Variants in TM9SF4 observed in about 807,000 individuals in gnomAD.
The protein encoded by TM9SF4 is transmembrane 9 superfamily member 4, also known as dinucleotide oxidase disulfide thiol exchanger 3 superfamily member 4.
Under a neutral mutation model 90.4 loss-of-function variants are expected in TM9SF4, and 26 were observed. The ratio of observed to expected loss-of-function variants is 0.29; its 90% CI spans 0.21 to 0.40. The LOEUF is 0.40. Ranked by LOEUF, TM9SF4 falls within the 10% of genes least tolerant of loss-of-function variation. TM9SF4 has a pLI of 1.00. For synonymous variants in TM9SF4, 293 were observed against 315.4 expected (o/e 0.93, Z 0.75); for missense variants, 549 against 834.8 (o/e 0.66, Z 4.22).
intron 13 of TM9SF4, among the ~76,000 whole-genome samples, chr20:32,156,434 A>T (rs958768080): frequency 6.6e-6 from 1 of 152,230 alleles, no homozygotes; most frequent in Non-Finnish European, 1.5e-5. Context: ...GGACCCCTGA[A>T]GATACCAAAA....
chr20:32,109,967 A>T (rs1314453762), intron 1 of TM9SF4: 2 of 1,410,362 alleles, frequency 1.4e-6, no homozygotes, highest in African/African-American at 2.9e-5. Context: ...GTTTTGGGGG[A>T]GGCGCCGTTT....
chr20:32,151,786 A>G (rs2046845183), intron 12 of TM9SF4, among the ~76,000 whole-genome samples: 1 of 151,944 alleles, frequency 6.6e-6, no homozygotes, highest in Non-Finnish European at 1.5e-5. Flanking sequence ...GGTTCAAGTT[A>G]TTCTCCTGCC....
intron 17 of TM9SF4, among the ~76,000 whole-genome samples, chr20:32,162,404 C>G (rs964784552): frequency 6.6e-6 from 1 of 152,208 alleles, no homozygotes; most frequent in African/African-American, 2.4e-5. Context: ...GATTCTCTAG[C>G]TCAGGGGTCA....
intron 1 of TM9SF4, among the ~76,000 whole-genome samples, chr20:32,130,086 A>G (rs1379362109): frequency 6.6e-6 from 1 of 152,226 alleles, no homozygotes; most frequent in East Asian, 1.9e-4. Flanking sequence ...TAGCCATGTG[A>G]AAATACCAAG....
chr20:32,125,687 T>C (rs568060629), intron 1 of TM9SF4, among the ~76,000 whole-genome samples: 57 of 146,324 alleles, frequency 3.9e-4, no homozygotes, highest in Admixed American at 1.6e-3. Context: ...TTTTCTTTTT[T>C]TTTTTTTTTT....
At chr20:32,152,036 T>G (rs1260971931) in intron 12 of TM9SF4, among the ~76,000 whole-genome samples, 1 of 151,576 alleles carries the variant, frequency 6.6e-6, no homozygotes, top group Non-Finnish European at 1.5e-5. Context: ...TAATTTTTTT[T>G]TTTTTTTGTA....
chr20:32,138,625 C>G (rs1271187652), intron 3 of TM9SF4, among the ~76,000 whole-genome samples: 2 of 152,204 alleles, frequency 1.3e-5, no homozygotes, highest in East Asian at 1.9e-4. Flanking sequence ...CCATTGCGCT[C>G]CAGCCTGAGC....
intron 3 of TM9SF4, chr20:32,136,930 C>G: frequency 2.1e-6 from 1 of 471,200 alleles, no homozygotes; most frequent in Non-Finnish European, 4.4e-6. Context: ...GGGCTGCCTT[C>G]TCCGTCAGGG....
intron 12 of TM9SF4, among the ~76,000 whole-genome samples, chr20:32,152,342 CT>C (rs2046854999): frequency 6.6e-6 from 1 of 151,264 alleles, no homozygotes; most frequent in Non-Finnish European, 1.5e-5. Flanking sequence ...CAAACCCAGT[CT>C]TTTTCCCCCA....
At position 32,117,527 on chromosome 20, in the gene TM9SF4, T is replaced by C. The variant is rs369394470; in HGVS notation, c.15+7772T>C. 3.3e-5 allele frequency among the ~76,000 whole-genome samples: 5 copies of C among 152,302 alleles called. No individual in the cohort carries two copies. The South Asian group carries it at 1.0e-3, about 32-fold the overall frequency. ...GGAAGATGTTAATTGTTCACACCTT[T>C]CAAACTGGGTGGGGTGAATTTGGAG... On this transcript the variant is annotated intron_variant, in intron 1 of 17. Coordinates refer to ENST00000398022, the MANE Select transcript of TM9SF4 (RefSeq NM_014742.4).
chr20:32,130,393 T>C (rs1600801411), intron 1 of TM9SF4, among the ~76,000 whole-genome samples: 3 of 152,350 alleles, frequency 2.0e-5, no homozygotes, highest in Middle Eastern at 3.4e-3. Context: ...GTACAGGATT[T>C]GCCTTCTTTA....
chr20:32,165,827 C>T lies in TM9SF4; in HGVS notation c.*383C>T. The stretch of plus-strand genomic sequence containing the variant: ...CCGAGATAAGGGTTTTGGTCACTGT[C>T]TCCACCTCAGTTCCTCAGGGCTGTT... On this transcript the variant is annotated 3_prime_UTR_variant, in exon 18 of 18. Transcript: ENST00000398022. 1 of 215,210 alleles carries T rather than the reference C, an allele frequency of 4.6e-6. No individual in the cohort carries two copies. The highest frequency in any genetic ancestry group is 1.2e-4 in the East Asian group (1 of 8,566). 13.3% of individuals were successfully genotyped at this position (215,210 alleles called of 1,614,324 possible).
intron 17 of TM9SF4, among the ~76,000 whole-genome samples, chr20:32,162,280 C>T (rs982564344): frequency 6.6e-6 from 1 of 152,152 alleles, no homozygotes; most frequent in Non-Finnish European, 1.5e-5. Flanking sequence ...CTGGGAATGC[C>T]GTTTCCCAAA....
At position 32,120,255 on chromosome 20, in the gene TM9SF4, G is replaced by A. The variant is rs192257763; in HGVS notation, c.15+10500G>A. Among the ~76,000 whole-genome samples, 26 of 152,176 alleles carry A rather than the reference G, an allele frequency of 1.7e-4. No individual in the cohort carries two copies. In the East Asian group the frequency reaches 4.8e-3, roughly 28 times the overall value. The stretch of plus-strand genomic sequence containing the variant: ...AGAGAACTGACATCCTGACAATATT[G>A]AGTCTTCTAGTCCATGAACATGGAA... On this transcript the variant is annotated intron_variant, in intron 1 of 17. Coordinates refer to ENST00000398022, the MANE Select transcript of TM9SF4 (RefSeq NM_014742.4).
At position 32,109,725 on chromosome 20, in the gene TM9SF4, G is replaced by GAC. The variant is rs775939653; in HGVS notation, c.-13_-12dup. On this transcript the variant is annotated 5_prime_UTR_variant, in exon 1 of 18. Coordinates refer to ENST00000398022, the MANE Select transcript of TM9SF4 (RefSeq NM_014742.4). ...CCACTTCCGCTGACGTCATTACGGC[G>GAC]ACACGTGGATCCAAGATGGCGACGG... 1.9e-5 allele frequency: 29 copies of GAC among 1,551,608 alleles called. No individual in the cohort carries two copies. The South Asian group carries it at 3.1e-4, about 17-fold the overall frequency.
intron 1 of TM9SF4, among the ~76,000 whole-genome samples, chr20:32,131,323 G>GTGTC (rs1312686635): frequency 6.6e-6 from 1 of 152,244 alleles, no homozygotes; most frequent in Non-Finnish European, 1.5e-5. Flanking sequence ...TCTGCAAAAA[G>GTGTC]TGTACTGAAT....
intron 1 of TM9SF4, among the ~76,000 whole-genome samples, chr20:32,120,403 T>G (rs894904988): frequency 1.3e-5 from 2 of 151,306 alleles, no homozygotes; most frequent in African/African-American, 4.8e-5. Context: ...GCGTTTTTTT[T>G]TTTTTTTTTT....
chr20:32,122,550 C>G (rs1469800965), intron 1 of TM9SF4, among the ~76,000 whole-genome samples: 22 of 151,216 alleles, frequency 1.5e-4, no homozygotes, highest in Admixed American at 1.4e-3. Flanking sequence ...GGCAGAGGCG[C>G]TCCTCACATC....
chr20:32,137,197 G>C lies in TM9SF4; in HGVS notation c.229+1024G>C, dbSNP rs536444160. On this transcript the variant is annotated intron_variant, in intron 3 of 17. Transcript: ENST00000398022. The stretch of plus-strand genomic sequence containing the variant: ...TGTGGCCCTGCCACTTACCATCTGT[G>C]GACCAGTGCCTGCCTGCCATTGCCC... 8.5e-4 allele frequency among the ~76,000 whole-genome samples: 129 copies of C among 152,342 alleles called. 2 individuals carry two copies. In the South Asian group the frequency reaches 0.026, roughly 30 times the overall value.
Sources: gnomAD v4.1 joint callset for allele counts (sites outside exome capture counted in the v4.1 genomes callset) on GRCh38, gnomAD v4.1.1 for gene constraint, MANE v1.5 for transcripts, NCBI Gene and HGNC (gene_info 2026-07-23, HGNC 2026-07-21) for gene names.